The following CDC20B variants were observed in gnomAD, a reference collection of about 807,000 sequenced individuals.
The protein encoded by CDC20B is cell division cycle 20B.
CDC20B carries 58 observed loss-of-function variants against 64.1 expected under a neutral mutation model. The observed-to-expected ratio is 0.90, with a 90% CI of 0.73 to 1.13. The LOEUF (loss-of-function observed/expected upper bound fraction) is 1.13, where lower values mean the gene tolerates loss of function less well. CDC20B is among the 50% of genes most tolerant of loss of function. The pLI is 0.00. For synonymous variants in CDC20B, 243 were observed against 230.6 expected, an observed-to-expected ratio of 1.05 and a Z score of -0.49; for missense variants, 597 against 633.0, an observed-to-expected ratio of 0.94 and a Z score of 0.61.
At chr5:55,160,465 T>G in intron 2 of CDC20B, 2 of 1,311,558 alleles carry the variant, frequency 1.5e-6, no homozygotes, top group Non-Finnish European at 2.2e-6. Context: ...CTTAATAAAA[T>G]CAATTTTTTG....
chr5:55,144,070 G>A (rs191814199), intron 3 of CDC20B, among the ~76,000 whole-genome samples: 1 of 152,020 alleles, frequency 6.6e-6, no homozygotes, highest in East Asian at 1.9e-4. Flanking sequence ...AATGATAGTG[G>A]AAAGAGTATC....
intron 5 of CDC20B, chr5:55,136,379 T>G (rs1743171718): frequency 6.6e-6 from 1 of 151,674 alleles, no homozygotes; most frequent in African/African-American, 2.4e-5. Flanking sequence ...GGCAACATGG[T>G]GAAACCCTGC....
At chr5:55,153,164 A>G (rs1330883423) in intron 2 of CDC20B, among the ~76,000 whole-genome samples, 2 of 150,186 alleles carry the variant, frequency 1.3e-5, no homozygotes, top group African/African-American at 2.5e-5. Flanking sequence ...GCTTGAGCCC[A>G]GAAGGCAGAG....
chr5:55,152,388 A>T (rs1161290019), intron 2 of CDC20B, among the ~76,000 whole-genome samples: 1 of 152,236 alleles, frequency 6.6e-6, no homozygotes, highest in Admixed American at 6.5e-5. Flanking sequence ...CATTTACCAA[A>T]CACTTAATCC....
rs1490951704 is a variant in CDC20B at position 55,128,425 on chromosome 5, A to T, written c.890T>A (p.Val297Glu). Residue 297 changes from valine to glutamate, a missense_variant, in exon 7 of 12, where the codon GTG becomes GAG. By Grantham distance (121) the Val-to-Glu change is moderately radical (BLOSUM62 -2). This residue lies in a region of CDC20B where 353 missense variants were observed against 397.0 expected (regional missense o/e 0.89). Coordinates refer to ENST00000381375, the MANE Select transcript of CDC20B (RefSeq NM_001170402.1). ...AAAAAAAAAACTGGCCAGTACTTGCACTTCTCCCTCGCTGGTGCCAACTGC... is the reference window on the plus strand; with the variant it reads ...AAAAAAAAAACTGGCCAGTACTTGCTCTTCTCCCTCGCTGGTGCCAACTGC... ...CLAVGTSEGE[V>E]QLWDVVTKKR... The T allele has an allele frequency of 2.9e-5, 46 of 1,599,130 alleles. No individual in the cohort carries two copies. Among genetic ancestry groups the T allele is most frequent in the Non-Finnish European group, 3.7e-5 (44 of 1,175,978 alleles).
chr5:55,168,984 T>C (rs1012036380), intron 2 of CDC20B, among the ~76,000 whole-genome samples: 3 of 151,980 alleles, frequency 2.0e-5, no homozygotes, highest in African/African-American at 7.3e-5. Context: ...TAAAATAAAG[T>C]TGGCATTTTA....
Position 55,124,911 on chromosome 5 carries a change from C to T in CDC20B, c.1107G>A (p.Leu369=). 1 of 1,614,188 alleles carries T rather than the reference C, an allele frequency of 6.2e-7. No homozygotes were observed. Among genetic ancestry groups the T allele is most frequent in the South Asian group, 1.1e-5 (1 of 91,084 alleles). Reference sequence around the variant, plus strand: ...GTCCATCACTGCAGCCGCTGGAAAGCAGCCTGCCATCCGGTGACCACTTCA... The same window carrying T: ...GTCCATCACTGCAGCCGCTGGAAAGTAGCCTGCCATCCGGTGACCACTTCA... ...CALKWSPDGR[L]LSSGCSDGLL... is the part of the protein sequence containing the mutation. The change falls in exon 9 of 12, where the codon CTG becomes CTA. Residue 369 remains leucine, a synonymous_variant. Transcript: ENST00000381375.
At chr5:55,128,367 A>G in intron 7 of CDC20B, 54 bp downstream of exon 7, 3 of 1,379,576 alleles carry the variant, frequency 2.2e-6, no homozygotes, top group Non-Finnish European at 2.9e-6. Flanking sequence ...AAAGTCAATT[A>G]TAGTGTAATA....
In CDC20B at chr5:55,120,487, G is replaced by T. The variant is rs142234339; in HGVS notation, c.1279C>A (p.Arg427Ser). ...LAIGGGMKDG[R>S]LHILDINAGK... ...GCATTTATATCCAAGATGTGTAAGC[G>T]TCCATCCTTCATTCCTCCTCCAATG... The change falls in exon 10 of 12, where the codon CGC becomes AGC. Residue 427 changes from arginine (R) to serine (S), a missense_variant. Physicochemically the swap from Arg to Ser is moderately radical, Grantham distance 110 (BLOSUM62 -1). This residue lies in a region of CDC20B where 353 missense variants were observed against 397.0 expected (regional missense o/e 0.89). Transcript: ENST00000381375. 3 of 1,613,620 alleles carry T rather than the reference G, an allele frequency of 1.9e-6. No homozygotes were observed. The highest frequency in any genetic ancestry group is 1.3e-5 in the African/African-American group (1 of 74,886).
intron 10 of CDC20B, 50 bp from the exon 11 acceptor site, chr5:55,119,968 T>C (rs1333966305): frequency 7.5e-7 from 1 of 1,341,960 alleles, no homozygotes; most frequent in African/African-American, 1.4e-5. Flanking sequence ...TGATTCCTTA[T>C]GAATATAGTT....
chr5:55,155,938 A>G (rs1050521442), intron 2 of CDC20B, among the ~76,000 whole-genome samples: 1 of 152,224 alleles, frequency 6.6e-6, no homozygotes, highest in Admixed American at 6.5e-5. Flanking sequence ...CTTATAAAAC[A>G]AAATGCCTCC....
rs760596070 is a variant in CDC20B, at chr5:55,146,809, A to C, written c.174T>G (p.Phe58Leu). The change falls in exon 3 of 12, where the codon TTT becomes TTG. Residue 58 changes from phenylalanine to leucine, a missense_variant. This residue lies in a region of CDC20B where 241 missense variants were observed against 219.2 expected (regional missense o/e 1.10). Coordinates refer to ENST00000381375, the MANE Select transcript of CDC20B (RefSeq NM_001170402.1). The stretch of plus-strand genomic sequence containing the variant: ...GAACCTCTGCGGACAGCCTCTTCGC[A>C]AAGTTGCTCTTAAAGTCAGAATACG... ...NATYSDFKSN[F>L]AKRLSAEVPV... 1 of 1,614,148 alleles carries C rather than the reference A, an allele frequency of 6.2e-7. No individual in the cohort carries two copies.
At chr5:55,149,028 A>G (rs1237843455) in intron 2 of CDC20B, among the ~76,000 whole-genome samples, 1 of 152,252 alleles carries the variant, frequency 6.6e-6, no homozygotes, top group Non-Finnish European at 1.5e-5. Context: ...TGTAAGTACA[A>G]AAAGATGTGA....
intron 9 of CDC20B, among the ~76,000 whole-genome samples, chr5:55,123,659 G>T (rs1242491558): frequency 6.6e-6 from 1 of 152,158 alleles, no homozygotes; most frequent in African/African-American, 2.4e-5. Context: ...CTCCCATTTA[G>T]TAGTTCACTG....
At chr5:55,120,092 A>G (rs959871272) in intron 10 of CDC20B, among the ~76,000 whole-genome samples, 174 bp from the exon 11 acceptor site, 1 of 152,226 alleles carries the variant, frequency 6.6e-6, no homozygotes, top group Admixed American at 6.5e-5. Flanking sequence ...GCAACAAAGG[A>G]TCAAGTATAC....
chr5:55,173,114 T>C lies in CDC20B; in HGVS notation c.-114A>G. 1 of 849,622 alleles carries C rather than the reference T, an allele frequency of 1.2e-6. No individual in the cohort carries two copies. The allele number at this position is 849,622 out of a possible 1,614,324, so 52.6% of individuals were successfully genotyped here. A position where few individuals can be genotyped will look rare whatever the true frequency, so the allele number is the denominator to read the frequency against. On this transcript the variant is annotated 5_prime_UTR_variant, in exon 1 of 12. Coordinates refer to ENST00000381375, the MANE Select transcript of CDC20B (RefSeq NM_001170402.1). ...TAATCGTCAAACCCCTGGAGTCCCG[T>C]CCCCCAGGACCATTCTATTTCACCA...
chr5:55,154,158 C>T (rs1003399615), intron 2 of CDC20B, among the ~76,000 whole-genome samples: 8 of 152,060 alleles, frequency 5.3e-5, no homozygotes, highest in African/African-American at 1.9e-4. Flanking sequence ...AGGTAAACAC[C>T]GTAATGGGAC....
Position 55,114,089 on chromosome 5 carries a change from A to G in CDC20B, c.*129T>C. 9.3e-6 allele frequency: 13 copies of G among 1,398,982 alleles called. No individual in the cohort carries two copies. Among genetic ancestry groups the G allele is most frequent in the Non-Finnish European group, 1.2e-5 (13 of 1,063,100 alleles). The allele number at this position is 1,398,982 out of a possible 1,614,324, so 86.7% of individuals were successfully genotyped here. On this transcript the variant is annotated 3_prime_UTR_variant, in exon 12 of 12. Coordinates refer to ENST00000381375, the MANE Select transcript of CDC20B (RefSeq NM_001170402.1). This position sits in a 1 kb window ranked among gnomAD's most constrained non-coding sequence, Gnocchi z 4.1. Reference sequence around the variant, plus strand: ...GCAATCTGCAAAAGAAGAACAGGAGAACAGGCATTCACATCAAGAAGAGTA... The same window carrying G: ...GCAATCTGCAAAAGAAGAACAGGAGGACAGGCATTCACATCAAGAAGAGTA...
Position 55,128,566 on chromosome 5 carries a change from C to T in CDC20B, c.749G>A (p.Gly250Asp). The T allele has an allele frequency of 1.3e-6, 2 of 1,589,602 alleles. No homozygotes were observed. Among genetic ancestry groups the T allele is most frequent in the Non-Finnish European group, 1.7e-6 (2 of 1,174,122 alleles). The change falls in exon 7 of 12, where the codon GGC becomes GAC. Residue 250 changes from glycine to aspartate, a missense_variant. Transcript: ENST00000381375. The part of the protein sequence containing the change: ...SFQNLVAIAL[G>D]SAVYIWNGEN... ...CCCATTCCAGATGTATACAGCAGAG[C>T]CCAGGGCTATGGCAACAAGATTCTG... is the stretch of plus-strand genomic sequence containing the variant.
Sources: allele counts gnomAD v4.1 joint callset (sites outside exome capture counted in the v4.1 genomes callset), GRCh38; gene constraint gnomAD v4.1.1; regional missense constraint gnomAD v4.1.1; non-coding constraint Gnocchi (gnomAD v3.1); transcripts MANE v1.5; gene names NCBI Gene and HGNC (gene_info 2026-07-23, HGNC 2026-07-21).